CNBD1: variants seen among roughly 807,000 people sequenced by gnomAD.
The protein encoded by CNBD1 is cyclic nucleotide binding domain containing 1, also known as cyclic nucleotide-binding domain-containing protein 1.
A neutral mutation model predicts 54.4 loss-of-function variants in CNBD1; 71 were observed. That is an observed-to-expected ratio of 1.30 (90% confidence interval 1.08 to 1.59). CNBD1 has a LOEUF of 1.59. CNBD1 is among the 40% of genes most tolerant of loss of function. The pLI is 0.00. For synonymous variants in CNBD1, 182 were observed against 170.7 expected, an observed-to-expected ratio of 1.07 and a Z score of -0.51; for missense variants, 659 against 518.0, an observed-to-expected ratio of 1.27 and a Z score of -2.64.
At chr8:87,220,506 T>G (rs1814308686) in intron 5 of CNBD1, among the ~76,000 whole-genome samples, 1 of 151,774 alleles carries the variant, frequency 6.6e-6, no homozygotes, top group South Asian at 2.1e-4. Context: ...CAAGTTTTTT[T>G]TTTTTTTTTT....
At chr8:87,047,978 A>G (rs985008729) in intron 4 of CNBD1, among the ~76,000 whole-genome samples, 1 of 152,198 alleles carries the variant, frequency 6.6e-6, no homozygotes, top group Admixed American at 6.5e-5. Flanking sequence ...TGACTTCTTC[A>G]CATTGGTACC....
intron 8 of CNBD1, among the ~76,000 whole-genome samples, chr8:87,348,577 G>A (rs7009915): frequency 0.57 from 86,577 of 151,950 alleles, 26,323 homozygotes; most frequent in African/African-American, 0.78. Context: ...AATGGATGTC[G>A]TGCTCAAAGT....
chr8:87,291,743 C>T (rs111760555), intron 8 of CNBD1, among the ~76,000 whole-genome samples: 2 of 152,050 alleles, frequency 1.3e-5, no homozygotes, highest in Non-Finnish European at 2.9e-5. Context: ...CTCAGCCATT[C>T]GAGTAGCTGA....
chr8:87,399,896 T>C (rs942031546), intron 2 of CNBD1, among the ~76,000 whole-genome samples: 7 of 151,950 alleles, frequency 4.6e-5, no homozygotes, highest in African/African-American at 1.7e-4. Context: ...ATCAGATCTT[T>C]CCCAGGCACA....
chr8:87,153,964 A>G (rs922924018), intron 4 of CNBD1, among the ~76,000 whole-genome samples: 37 of 152,286 alleles, frequency 2.4e-4, no homozygotes, highest in African/African-American at 8.7e-4. Context: ...AAGTAGTGGC[A>G]CGGAACTGAA....
At chr8:87,099,034 CAAAAAAAAAAAAAA>C (rs11402011) in intron 4 of CNBD1, among the ~76,000 whole-genome samples, 1 of 23,036 alleles carries the variant, frequency 4.3e-5, no homozygotes, top group South Asian at 2.3e-3. Context: ...GACTGTGTCT[CAAAAAAAAAAAAAA>C]AAAAAAAAAA....
rs117793137 is a variant in CNBD1 at position 87,339,046 on chromosome 8, G to A, written c.1043-12639G>A. Among the ~76,000 whole-genome samples, 800 of 152,242 alleles carry A rather than the reference G, an allele frequency of 5.3e-3. 5 individuals carry two copies. The highest frequency in any genetic ancestry group is 7.3e-3 in the Non-Finnish European group (497 of 68,022). ...CAGTTTGGTATTTCCTTTCCTCCAAGTGGAAAGCTAGAGTTAGAGTTGAAT... is the reference window on the plus strand; with the variant it reads ...CAGTTTGGTATTTCCTTTCCTCCAAATGGAAAGCTAGAGTTAGAGTTGAAT... On this transcript the variant is annotated intron_variant, in intron 8 of 10. Transcript: ENST00000518476.
At chr8:87,141,637 A>G (rs1297624870) in intron 4 of CNBD1, among the ~76,000 whole-genome samples, 1 of 152,058 alleles carries the variant, frequency 6.6e-6, no homozygotes, top group Non-Finnish European at 1.5e-5. Flanking sequence ...ATATTTTCAA[A>G]TAACAATAAC....
At chr8:86,957,837 T>C (rs1407557546) in intron 4 of CNBD1, among the ~76,000 whole-genome samples, 3 of 152,216 alleles carry the variant, frequency 2.0e-5, no homozygotes, top group African/African-American at 7.2e-5. Context: ...CCTTCAGTTT[T>C]GCTCTGATCT....
At chr8:87,146,760 A>T (rs774343948) in intron 4 of CNBD1, among the ~76,000 whole-genome samples, 2 of 152,122 alleles carry the variant, frequency 1.3e-5, no homozygotes, top group Non-Finnish European at 2.9e-5. Flanking sequence ...CCATCTTATT[A>T]TGACTACCTT....
intron 4 of CNBD1, among the ~76,000 whole-genome samples, chr8:87,149,124 T>C (rs1380586910): frequency 6.6e-6 from 1 of 152,192 alleles, no homozygotes; most frequent in Non-Finnish European, 1.5e-5. Context: ...AAATGTCTTT[T>C]ATTTCTTTCT....
At chr8:87,008,576 A>C (rs1326021054) in intron 4 of CNBD1, among the ~76,000 whole-genome samples, 1 of 152,170 alleles carries the variant, frequency 6.6e-6, no homozygotes, top group African/African-American at 2.4e-5. Flanking sequence ...ATATCCTTGC[A>C]TCTAAGTCCC....
chr8:87,168,482 CTA>C (rs1362148084), intron 4 of CNBD1, among the ~76,000 whole-genome samples: 2 of 151,926 alleles, frequency 1.3e-5, no homozygotes, highest in Non-Finnish European at 2.9e-5. Context: ...TTATTTTTGA[CTA>C]TAGTCACCCT....
At chr8:87,405,727 C>T (rs1411657031) in intron 2 of CNBD1, among the ~76,000 whole-genome samples, 1 of 152,068 alleles carries the variant, frequency 6.6e-6, no homozygotes, top group Non-Finnish European at 1.5e-5. Context: ...ATTTCTTTGG[C>T]ATGAAATGTG....
At chr8:87,121,950 C>CT (rs1028161666) in intron 4 of CNBD1, among the ~76,000 whole-genome samples, 3 of 150,982 alleles carry the variant, frequency 2.0e-5, no homozygotes, top group Admixed American at 6.6e-5. Flanking sequence ...ATGACAGATA[C>CT]TTTATCCTTT....
downstream of CNBD1, among the ~76,000 whole-genome samples, chr8:87,385,898 G>A (rs181021605): frequency 5.1e-4 from 77 of 152,184 alleles, no homozygotes; most frequent in East Asian, 0.011. Context: ...TCACATGGCC[G>A]GGTACTCCTC....
chr8:87,098,007 T>G (rs1811353249), intron 4 of CNBD1, among the ~76,000 whole-genome samples: 1 of 152,190 alleles, frequency 6.6e-6, no homozygotes, highest in Non-Finnish European at 1.5e-5. Context: ...ATATTTGCTA[T>G]AGGAAAAAAA....
intron 4 of CNBD1, among the ~76,000 whole-genome samples, chr8:87,141,853 C>A (rs1319688206): frequency 6.6e-6 from 1 of 152,026 alleles, no homozygotes; most frequent in Non-Finnish European, 1.5e-5. Context: ...AATTTTATAG[C>A]ACTCAGGGCC....
chr8:87,024,246 AAG>A (rs1491509594), intron 4 of CNBD1, among the ~76,000 whole-genome samples: 16 of 122,614 alleles, frequency 1.3e-4, no homozygotes, highest in Admixed American at 4.7e-4. Flanking sequence ...CTCAAAAAAA[AAG>A]AAAAAAAAAA....
Sources: allele counts gnomAD v4.1 joint callset (sites outside exome capture counted in the v4.1 genomes callset), GRCh38; gene constraint gnomAD v4.1.1; transcripts MANE v1.5; gene names NCBI Gene and HGNC (gene_info 2026-07-23, HGNC 2026-07-21).